Variants in TRPM8 observed in about 807,000 individuals in gnomAD.
TRPM8 encodes TRPM8 cationic channel.
In TRPM8, 110 loss-of-function variants were observed where a neutral mutation model predicts 133.7. The observed-to-expected ratio is 0.82, with a 90% confidence interval of 0.70 to 0.96. The LOEUF (loss-of-function observed/expected upper bound fraction) is 0.96. Among genes scored for constraint, TRPM8 ranks in the 40% least tolerant of loss-of-function variants. TRPM8 has a pLI of 0.00. For synonymous variants in TRPM8, 535 were observed against 532.3 expected, an observed-to-expected ratio of 1.01 and a Z score of -0.07; for missense variants, 1,291 against 1,379.5, an observed-to-expected ratio of 0.94 and a Z score of 1.02.
At chr2:233,980,402 A>G (rs1691977400) in intron 18 of TRPM8, 123 bp downstream of exon 18, 1 of 632,388 alleles carries the variant, frequency 1.6e-6, no homozygotes, top group Non-Finnish European at 2.6e-6. Flanking sequence ...ACACAAGACC[A>G]TGGTGTCTGC....
intron 21 of TRPM8, among the ~76,000 whole-genome samples, chr2:233,990,363 G>A (rs528256051): frequency 2.2e-4 from 34 of 152,314 alleles, no homozygotes; most frequent in African/African-American, 6.3e-4. Context: ...TCTAGCAGCC[G>A]GTCAGAACGG....
intron 6 of TRPM8, among the ~76,000 whole-genome samples, chr2:233,945,503 A>G (rs1486116900): frequency 6.6e-6 from 1 of 152,178 alleles, no homozygotes; most frequent in South Asian, 2.1e-4. Context: ...ACACACACAC[A>G]CATTTGCACA....
In TRPM8 at chr2:233,930,742, G is replaced by A. The variant is rs1574694380; in HGVS notation, c.191+1G>A. On this transcript the variant is annotated splice_donor_variant, in intron 3 of 25. Transcript: ENST00000324695. LOFTEE classifies it high-confidence loss of function. Reference sequence around the variant, plus strand: ...TCTTTACCAAAGATTCCAAGGCCACGTAAGCTACTATTTTCCCTCCAGTTT... The same window carrying A: ...TCTTTACCAAAGATTCCAAGGCCACATAAGCTACTATTTTCCCTCCAGTTT... The A allele has an allele frequency of 4.4e-6, 7 of 1,601,214 alleles. No individual in the cohort carries two copies. Among genetic ancestry groups the A allele is most frequent in the African/African-American group, 1.3e-5 (1 of 74,580 alleles).
Position 233,959,874 on chromosome 2 carries a change from T to G in TRPM8, c.1363-902T>G, listed in dbSNP as rs1195453953. Among the ~76,000 whole-genome samples the G allele has an allele frequency of 2.0e-5, 3 of 151,932 alleles. No homozygotes were observed. The East Asian group carries it at 5.8e-4, about 30-fold the overall frequency. On this transcript the variant is annotated intron_variant, in intron 11 of 25. Coordinates refer to ENST00000324695, the MANE Select transcript of TRPM8 (RefSeq NM_024080.5). ...TTGGCTCACTGCAACTTCTGCCTCC[T>G]GGGTTCAAGTGATTCTCGTGCCTCA...
rs201672489 is a variant in TRPM8, at chr2:233,942,587, C to T, written c.538C>T (p.Leu180Phe). 5.0e-6 allele frequency: 8 copies of T among 1,614,060 alleles called. No individual in the cohort carries two copies. Among genetic ancestry groups the T allele is most frequent in the African/African-American group, 1.3e-5 (1 of 74,928 alleles). Residue 180 changes from leucine (L) to phenylalanine (F), a missense_variant, in exon 6 of 26, where the codon CTC (leucine) becomes TTC (phenylalanine). This residue lies in a region of TRPM8 where 963 missense variants were observed against 968.9 expected (regional missense o/e 0.99). Transcript: ENST00000324695. ...CTATTTGTTGACAGGTGCTTGGATTCTCACGGGAGGCACCCATTATGGCCT... is the reference window on the plus strand; with the variant it reads ...CTATTTGTTGACAGGTGCTTGGATTTTCACGGGAGGCACCCATTATGGCCT... ...YIAQSKGAWI[L>F]TGGTHYGLMK...
intron 22 of TRPM8, among the ~76,000 whole-genome samples, chr2:234,002,888 T>C (rs1250381903): frequency 2.6e-5 from 4 of 152,174 alleles, no homozygotes; most frequent in South Asian, 2.1e-4. Context: ...CCTAAGGGTA[T>C]TTGATAAAAT....
intron 15 of TRPM8, among the ~76,000 whole-genome samples, chr2:233,969,128 C>A (rs1046223585): frequency 1.3e-5 from 2 of 151,988 alleles, no homozygotes; most frequent in African/African-American, 4.8e-5. Context: ...TGAATTTGAA[C>A]GTACACAACT....
chr2:234,018,209 CTTAG>C lies in TRPM8; in HGVS notation c.*955_*958del, dbSNP rs1374281867. The C allele has an allele frequency of 6.6e-6, 1 of 151,910 alleles. No homozygotes were observed. The highest frequency in any genetic ancestry group is 1.5e-5 in the Non-Finnish European group (1 of 67,990). 9.4% of individuals were successfully genotyped at this position (151,910 alleles called of 1,614,324 possible). A position where few individuals can be genotyped will look rare whatever the true frequency, so the allele number is the denominator to read the frequency against. On this transcript the variant is annotated 3_prime_UTR_variant, in exon 26 of 26. Transcript: ENST00000324695. ...TATACTTTTTATGTAAGCTTTTTCA[CTTAG>C]TATTTTATCAAATATGTTTTTATTA...
At chr2:233,927,847 C>T (rs370000818) in intron 2 of TRPM8, among the ~76,000 whole-genome samples, 1,860 of 47,712 alleles carry the variant, frequency 0.039, 328 homozygotes, top group Middle Eastern at 0.051. Context: ...TTCCTTCCTT[C>T]CTTCCTTTCT....
At chr2:233,963,571 G>T (rs1268555763) in intron 13 of TRPM8, among the ~76,000 whole-genome samples, 194 bp downstream of exon 13, 1 of 152,200 alleles carries the variant, frequency 6.6e-6, no homozygotes, top group Non-Finnish European at 1.5e-5. Context: ...AAGTAGTCAG[G>T]CTTGGGGGGC....
At position 234,002,956 on chromosome 2, in the gene TRPM8, C is replaced by T. The variant is rs76245919; in HGVS notation, c.3131-3897C>T. On this transcript the variant is annotated intron_variant, in intron 22 of 25. Coordinates refer to ENST00000324695, the MANE Select transcript of TRPM8 (RefSeq NM_024080.5). Reference sequence around the variant, plus strand: ...CATAGAGGGCTGATTATGCCTGTGCCTTTAGTGTAATCTCAAATATTTTGA... The same window carrying T: ...CATAGAGGGCTGATTATGCCTGTGCTTTTAGTGTAATCTCAAATATTTTGA... 7.9e-3 allele frequency among the ~76,000 whole-genome samples: 1,203 copies of T among 152,176 alleles called. 13 individuals carry two copies. Among genetic ancestry groups the T allele is most frequent in the African/African-American group, 7.8e-3 (322 of 41,518 alleles).
At chr2:233,949,787 T>A (rs1691129736) in intron 8 of TRPM8, among the ~76,000 whole-genome samples, 162 bp from the exon 9 acceptor site, 1 of 152,196 alleles carries the variant, frequency 6.6e-6, no homozygotes, top group Non-Finnish European at 1.5e-5. Flanking sequence ...ATAAAGCAAT[T>A]GACAATATTT....
chr2:234,012,496 TGA>T (rs1429958638), intron 24 of TRPM8, among the ~76,000 whole-genome samples: 19 of 151,908 alleles, frequency 1.3e-4, no homozygotes, highest in Admixed American at 7.2e-4. Flanking sequence ...TGTGTGTGTG[TGA>T]GTGTGTGTAG....
At chr2:233,927,766 CTT>C (rs1392442221) in intron 2 of TRPM8, among the ~76,000 whole-genome samples, 1 of 70,146 alleles carries the variant, frequency 1.4e-5, no homozygotes. Context: ...TTCTTTCTTT[CTT>C]TCTTTCTTTC....
chr2:233,984,708 G>A (rs989132445), intron 20 of TRPM8, among the ~76,000 whole-genome samples: 1 of 152,166 alleles, frequency 6.6e-6, no homozygotes, highest in Non-Finnish European at 1.5e-5. Context: ...TTCTGCCAGA[G>A]CGATTCTTTG....
intron 23 of TRPM8, 87 bp from the exon 24 acceptor site, chr2:234,007,982 AT>A (rs1692734361): frequency 7.7e-7 from 1 of 1,292,246 alleles, no homozygotes. Context: ...CTGTACTTTA[AT>A]TTAAAAGACT....
In TRPM8 at chr2:233,960,840, T is replaced by A. The variant is rs1691415960; in HGVS notation, c.1427T>A (p.Leu476His). The change falls in exon 12 of 26, where the codon CTC becomes CAC. Residue 476 changes from leucine to histidine, a missense_variant. By Grantham distance (99) the Leu-to-His change is moderately conservative. Around this residue, in one of 2 missense-constraint regions of TRPM8, gnomAD observed 963 missense variants for 968.9 expected, o/e 0.99. Coordinates refer to ENST00000324695, the MANE Select transcript of TRPM8 (RefSeq NM_024080.5). ...AAGGACAGACCCAAGTTTGTCCGCCTCTTTCTGGAGAATGGCTTGAACCTA... is the reference window on the plus strand; with the variant it reads ...AAGGACAGACCCAAGTTTGTCCGCCACTTTCTGGAGAATGGCTTGAACCTA... ...LIKDRPKFVR[L>H]FLENGLNLRK... The A allele has an allele frequency of 6.2e-7, 1 of 1,614,088 alleles. No homozygotes were observed. The highest frequency in any genetic ancestry group is 1.3e-5 in the African/African-American group (1 of 74,922).
chr2:233,992,598 G>C (rs1559544916), intron 21 of TRPM8, among the ~76,000 whole-genome samples: 1 of 152,126 alleles, frequency 6.6e-6, no homozygotes, highest in Non-Finnish European at 1.5e-5. Flanking sequence ...CTCCTGCTCA[G>C]CTGGTTTCAG....
At chr2:233,977,554 G>A (rs949719524) in intron 17 of TRPM8, among the ~76,000 whole-genome samples, 3 of 152,202 alleles carry the variant, frequency 2.0e-5, no homozygotes, top group African/African-American at 7.2e-5. Context: ...AGCAGGGAGG[G>A]CCTTTCCCAA....
Sources: allele counts gnomAD v4.1 joint callset (sites outside exome capture counted in the v4.1 genomes callset), GRCh38; gene constraint gnomAD v4.1.1; regional missense constraint gnomAD v4.1.1; transcripts MANE v1.5; gene names NCBI Gene and HGNC (gene_info 2026-07-23, HGNC 2026-07-21).